HNF4G: variants seen among roughly 807,000 people sequenced by gnomAD.
HNF4G encodes the protein hepatocyte nuclear factor 4 gamma, also known as hepatocyte nuclear factor 4-gamma.
Under a neutral mutation model 50.9 loss-of-function variants are expected in HNF4G, and 21 were observed. The observed-to-expected ratio is 0.41, with a 90% CI of 0.29 to 0.59. The LOEUF (loss-of-function observed/expected upper bound fraction) is 0.59, where lower values mean the gene tolerates loss of function less well. Ranked by LOEUF, HNF4G falls within the 20% of genes least tolerant of loss-of-function variation. HNF4G has a pLI of 0.26. For missense variants in HNF4G, 527 were observed against 559.4 expected (o/e 0.94, Z 0.58); for synonymous variants, 198 against 185.6 (o/e 1.07, Z -0.54).
At chr8:75,445,186 A>G (rs1196202327) in intron 1 of HNF4G, among the ~76,000 whole-genome samples, 1 of 113,816 alleles carries the variant, frequency 8.8e-6, no homozygotes, top group Non-Finnish European at 1.8e-5. Flanking sequence ...ACTACTGGGT[A>G]CATAACGAAA....
intron 1 of HNF4G, among the ~76,000 whole-genome samples, chr8:75,482,378 C>G (rs1812400775): frequency 6.6e-6 from 1 of 151,908 alleles, no homozygotes; most frequent in African/African-American, 2.4e-5. Context: ...CCTTCTGCTC[C>G]ATTTTTAGAA....
At chr8:75,544,026 GTTTGGCACGC>G in intron 2 of HNF4G, 47 bp downstream of exon 2, 1 of 1,480,408 alleles carries the variant, frequency 6.8e-7, no homozygotes. Flanking sequence ...AGATGTTTCA[GTTTGGCACGC>G]AAAAAGTAAG....
intron 1 of HNF4G, among the ~76,000 whole-genome samples, chr8:75,446,937 A>C (rs1361772693): frequency 3.7e-5 from 5 of 136,534 alleles, no homozygotes; most frequent in East Asian, 2.3e-4. Flanking sequence ...ACTACTTTAA[A>C]GTTCATATGG....
intron 1 of HNF4G, among the ~76,000 whole-genome samples, chr8:75,542,001 G>A (rs934471471): frequency 4.0e-5 from 6 of 151,870 alleles, no homozygotes; most frequent in African/African-American, 1.5e-4. Flanking sequence ...AAAAAACTAA[G>A]GCCATTTAAA....
At chr8:75,528,209 C>T (rs1434898695) in intron 2 of HNF4G, among the ~76,000 whole-genome samples, 3 of 152,066 alleles carry the variant, frequency 2.0e-5, no homozygotes, top group African/African-American at 7.2e-5. Context: ...TGTCTTGGTA[C>T]TAGTGGCATG....
At chr8:75,513,826 A>G (rs1015384804) in intron 2 of HNF4G, among the ~76,000 whole-genome samples, 2 of 151,372 alleles carry the variant, frequency 1.3e-5, no homozygotes, top group Admixed American at 1.3e-4. Context: ...TTTTTATTAT[A>G]TTTTTTATTT....
At chr8:75,560,266 A>G (rs1419193625) in intron 8 of HNF4G, 78 bp from the exon 9 acceptor site, 8 of 1,494,482 alleles carry the variant, frequency 5.4e-6, no homozygotes, top group Middle Eastern at 1.7e-4. Flanking sequence ...TAAGCTGTCA[A>G]TCAAAACATT....
At chr8:75,531,958 C>T (rs1806338505) in intron 2 of HNF4G, among the ~76,000 whole-genome samples, 1 of 152,000 alleles carries the variant, frequency 6.6e-6, no homozygotes, top group African/African-American at 2.4e-5. Flanking sequence ...TTCTTAAACA[C>T]AACTATTCTG....
At chr8:75,529,095 C>A (rs1806256866) in intron 2 of HNF4G, among the ~76,000 whole-genome samples, 1 of 151,630 alleles carries the variant, frequency 6.6e-6, no homozygotes. Context: ...GACCATCCTG[C>A]CTAACACGGT....
At chr8:75,474,529 G>A (rs1458881187) in intron 1 of HNF4G, among the ~76,000 whole-genome samples, 1 of 152,074 alleles carries the variant, frequency 6.6e-6, no homozygotes, top group South Asian at 2.1e-4. Context: ...CAATATTGAT[G>A]AAAAAAGTTG....
intron 2 of HNF4G, among the ~76,000 whole-genome samples, chr8:75,492,641 C>A (rs1250112528): frequency 6.6e-6 from 1 of 152,138 alleles, no homozygotes; most frequent in Non-Finnish European, 1.5e-5. Context: ...TCTTTATCCT[C>A]ATTTTGTAGA....
Position 75,553,062 on chromosome 8 carries a change from G to T in HNF4G, c.510G>T (p.Gly170=). The change falls in exon 5 of 10, where the codon GGG becomes GGT. Residue 170 remains glycine (G), a synonymous_variant. Transcript: ENST00000396423. Reference sequence around the variant, plus strand: ...ACTAGATCTCAGTCTCAAGCCCTGGGTCAAGCACTGACATAAACGTTAAGA... The same window carrying T: ...ACTAGATCTCAGTCTCAAGCCCTGGTTCAAGCACTGACATAAACGTTAAGA... ...RSRQISVSSP[G]SSTDINVKKI... 3 of 1,611,554 alleles carry T rather than the reference G, an allele frequency of 1.9e-6. No individual in the cohort carries two copies. Among genetic ancestry groups the T allele is most frequent in the Non-Finnish European group, 2.5e-6 (3 of 1,178,418 alleles).
At chr8:75,549,007 G>A (rs966385885) in intron 3 of HNF4G, among the ~76,000 whole-genome samples, 1 of 152,074 alleles carries the variant, frequency 6.6e-6, no homozygotes, top group Non-Finnish European at 1.5e-5. Context: ...TTACACACTT[G>A]GTCAATTGCC....
At chr8:75,435,391 C>T (rs189650867) in intron 1 of HNF4G, among the ~76,000 whole-genome samples, 3 of 152,190 alleles carry the variant, frequency 2.0e-5, no homozygotes, top group East Asian at 3.9e-4. Flanking sequence ...CCTAAAAATA[C>T]AAGAGACTAT....
chr8:75,420,413 T>G (rs142064088), intron 1 of HNF4G, among the ~76,000 whole-genome samples: 1 of 152,238 alleles, frequency 6.6e-6, no homozygotes, highest in African/African-American at 2.4e-5. Flanking sequence ...CCAGACTCTT[T>G]CTTGCGGCCT....
intron 1 of HNF4G, among the ~76,000 whole-genome samples, chr8:75,427,669 T>A (rs1810919897): frequency 6.6e-6 from 1 of 151,950 alleles, no homozygotes; most frequent in Non-Finnish European, 1.5e-5. Flanking sequence ...AAGTATTTGT[T>A]GAATGAATGA....
chr8:75,429,708 A>G (rs543507404), intron 1 of HNF4G, among the ~76,000 whole-genome samples: 23 of 152,292 alleles, frequency 1.5e-4, no homozygotes, highest in Non-Finnish European at 2.1e-4. Context: ...TAAAGCAGAA[A>G]GGCCGATCAG....
chr8:75,518,014 T>C (rs2130739342), intron 2 of HNF4G, among the ~76,000 whole-genome samples: 1 of 151,736 alleles, frequency 6.6e-6, no homozygotes, highest in Non-Finnish European at 1.5e-5. Flanking sequence ...ATACTTTAAG[T>C]TTTAGGGTAC....
At chr8:75,450,327 G>A (rs1272910860) in intron 1 of HNF4G, among the ~76,000 whole-genome samples, 2 of 152,110 alleles carry the variant, frequency 1.3e-5, no homozygotes, top group African/African-American at 4.8e-5. Flanking sequence ...GTGTGTTTTG[G>A]AGGGATCTCA....
Sources: allele counts gnomAD v4.1 joint callset (sites outside exome capture counted in the v4.1 genomes callset), GRCh38; gene constraint gnomAD v4.1.1; transcripts MANE v1.5; gene names NCBI Gene and HGNC (gene_info 2026-07-23, HGNC 2026-07-21).